TCN2: variants seen among roughly 807,000 people sequenced by gnomAD.
TCN2 encodes the protein transcobalamin 2, also known as transcobalamin-2.
A neutral mutation model predicts 48.6 loss-of-function variants in TCN2; 34 were observed. The observed-to-expected ratio is 0.70, with a 90% CI of 0.53 to 0.93. The LOEUF (loss-of-function observed/expected upper bound fraction) is 0.93. Ranked by LOEUF, TCN2 falls within the 40% of genes least tolerant of loss-of-function variation. The pLI, the probability that TCN2 is intolerant of heterozygous loss-of-function variation, is 0.00. For synonymous variants in TCN2, 283 were observed against 212.5 expected (o/e 1.33, Z -2.89); for missense variants, 652 against 526.1 (o/e 1.24, Z -2.34).
intron 8 of TCN2, among the ~76,000 whole-genome samples, chr22:30,623,660 TAACTTAAA>T (rs2087732460): frequency 6.6e-6 from 1 of 150,516 alleles, no homozygotes. Flanking sequence ...CCCACATGTA[TAACTTAAA>T]AATTTCATAT....
Position 30,615,625 on chromosome 22 carries a change from G to A in TCN2, c.778G>A (p.Gly260Arg), listed in dbSNP as rs768896953. 1.2e-6 allele frequency: 2 copies of A among 1,613,970 alleles called. No individual in the cohort carries two copies. The highest frequency in any genetic ancestry group is 1.7e-6 in the Non-Finnish European group (2 of 1,180,006). ...GTTCCTCATGACTTCCCCCATGCGT[G>A]GGGCAGAACTGGGAACAGCATGTCT... is the stretch of plus-strand genomic sequence containing the variant. ...LQFLMTSPMR[G>R]AELGTACLKA... is the part of the protein sequence containing the mutation. The change falls in exon 6 of 9, where the codon GGG becomes AGG. Residue 260 changes from glycine to arginine, a missense_variant. Gly to Arg is a moderately radical substitution (Grantham distance 125). Transcript: ENST00000215838.
At chr22:30,613,387 C>A (rs1027300529) in intron 3 of TCN2, among the ~76,000 whole-genome samples, 30 of 152,294 alleles carry the variant, frequency 2.0e-4, no homozygotes, top group African/African-American at 7.2e-4. Flanking sequence ...TCAAGCAATT[C>A]TCCTGCCTCA....
chr22:30,625,101 C>G (rs545104926), intron 8 of TCN2, among the ~76,000 whole-genome samples: 74 of 151,832 alleles, frequency 4.9e-4, no homozygotes, highest in Admixed American at 1.1e-3. Flanking sequence ...ACCTGTAATC[C>G]CAGCTACTCA....
In TCN2 at chr22:30,617,375, T is replaced by A. The variant is rs1357414952; in HGVS notation, c.986T>A (p.Ile329Asn). The change falls in exon 7 of 9, where the codon ATC (isoleucine) becomes AAC (asparagine). Residue 329 changes from isoleucine (I) to asparagine (N), a missense_variant. Physicochemically the swap from Ile to Asn is moderately radical, Grantham distance 149. Transcript: ENST00000215838. ...AAETIPQTQE[I>N]ISVTLQVLSL... Reference sequence around the variant, plus strand: ...GAGACCATTCCTCAGACCCAAGAGATCATCAGTGTCACGCTGCAGGTGCTT... The same window carrying A: ...GAGACCATTCCTCAGACCCAAGAGAACATCAGTGTCACGCTGCAGGTGCTT... The A allele has an allele frequency of 6.2e-7, 1 of 1,613,940 alleles. No homozygotes were observed. The highest frequency in any genetic ancestry group is 1.3e-5 in the African/African-American group (1 of 74,862).
Position 30,615,400 on chromosome 22 carries a change from G to T in TCN2, c.680G>T (p.Arg227Leu). 1 of 1,614,196 alleles carries T rather than the reference G, an allele frequency of 6.2e-7. No homozygotes were observed. Among genetic ancestry groups the T allele is most frequent in the Non-Finnish European group, 8.5e-7 (1 of 1,180,032 alleles). Residue 227 changes from arginine (R) to leucine (L), a missense_variant, in exon 5 of 9, where the codon CGA becomes CTA. Arg to Leu is a moderately radical substitution (Grantham distance 102). Coordinates refer to ENST00000215838, the MANE Select transcript of TCN2 (RefSeq NM_000355.4). ...QRITMAIRTV[R>L]EEILKAQTPE... ...ATCACCATGGCCATCAGAACAGTGC[G>T]AGAGGAGATCTTGAAGGCCCAGACC...
In TCN2 at chr22:30,624,043, T is replaced by TACAC. The variant is rs1198211935; in HGVS notation, c.1222+976_1222+979dup. ...ACACACATATATATGTATACATATATACACACACACACACACACATATATA... is the reference window on the plus strand; with the variant it reads ...ACACACATATATATGTATACATATATACACACACACACACACACACACATATATA... On this transcript the variant is annotated intron_variant, in intron 8 of 8. Transcript: ENST00000215838. Among the ~76,000 whole-genome samples the TACAC allele has an allele frequency of 3.1e-3, 89 of 28,614 alleles. 33 individuals are homozygous for TACAC. Among genetic ancestry groups the TACAC allele is most frequent in the Non-Finnish European group, 4.4e-3 (73 of 16,670 alleles). 18.8% of individuals were successfully genotyped at this position (28,614 alleles called of 152,430 possible).
chr22:30,618,261 T>TG (rs2087643739), intron 7 of TCN2, among the ~76,000 whole-genome samples: 1 of 111,604 alleles, frequency 9.0e-6, no homozygotes, highest in African/African-American at 4.2e-5. Context: ...GAATAATAAC[T>TG]GGTTTTTTTT....
In TCN2 at chr22:30,607,374, G is replaced by A. The variant is rs1366455356; in HGVS notation, c.43G>A (p.Gly15Arg). The A allele has an allele frequency of 5.0e-6, 8 of 1,613,990 alleles. No individual in the cohort carries two copies. Among genetic ancestry groups the A allele is most frequent in the East Asian group, 4.5e-5 (2 of 44,884 alleles). ...CTTCCTCTTCCTTCTGGGGGTCCTGGGGGCCCTCACTGAGATGTGTGGTGA... is the reference window on the plus strand; with the variant it reads ...CTTCCTCTTCCTTCTGGGGGTCCTGAGGGCCCTCACTGAGATGTGTGGTGA... Reference protein sequence around the residue: ...GAFLFLLGVLGALTEMCEIPE... With the variant: ...GAFLFLLGVLRALTEMCEIPE... Residue 15 changes from glycine (G) to arginine (R), a missense_variant, in exon 1 of 9, where the codon GGG becomes AGG. By Grantham distance (125) the Gly-to-Arg change is moderately radical (BLOSUM62 -2). Coordinates refer to ENST00000215838, the MANE Select transcript of TCN2 (RefSeq NM_000355.4).
Position 30,615,322 on chromosome 22 carries a change from TG to T in TCN2, c.604del (p.Ala202HisfsTer5), listed in dbSNP as rs1195480116. 1 of 1,614,076 alleles carries T rather than the reference TG, an allele frequency of 6.2e-7. No homozygotes were observed. The highest frequency in any genetic ancestry group is 1.3e-5 in the African/African-American group (1 of 74,928). ...HSVDTAAMAG[L>X]AFTCLKRSNF... is the part of the protein sequence containing the mutation. ...CAAGACACAGCAGCCATGGCAGGCTTGGCATTCACCTGTCTGAAGCGCTCAA... is the reference window on the plus strand; with the variant it reads ...CAAGACACAGCAGCCATGGCAGGCTTGCATTCACCTGTCTGAAGCGCTCAA... On this transcript the variant is annotated frameshift_variant, in exon 5 of 9. Coordinates refer to ENST00000215838, the MANE Select transcript of TCN2 (RefSeq NM_000355.4). LOFTEE classifies it high-confidence loss of function.
At chr22:30,614,321 G>A in intron 3 of TCN2, 28 bp from the exon 4 acceptor site, 1 of 1,612,786 alleles carries the variant, frequency 6.2e-7, no homozygotes, top group Non-Finnish European at 8.5e-7. Flanking sequence ...GGGCAGAGAG[G>A]CAACCCCTCT....
intron 8 of TCN2, among the ~76,000 whole-genome samples, chr22:30,623,823 TAC>T (rs766122077): frequency 0.088 from 4,377 of 49,464 alleles, 1,491 homozygotes; most frequent in East Asian, 0.26. Context: ...TACACACACA[TAC>T]ACACACATAT....
In TCN2 at chr22:30,610,907, T is replaced by C. The variant is rs1292825855; in HGVS notation, c.101T>C (p.Leu34Ser). The change falls in exon 2 of 9, where the codon TTG (leucine) becomes TCG (serine). Residue 34 changes from leucine (L) to serine (S), a missense_variant. By Grantham distance (145) the Leu-to-Ser change is moderately radical. Transcript: ENST00000215838. Reference sequence around the variant, plus strand: ...ATGGACAGCCATCTGGTAGAGAAGTTGGGCCAGCACCTCTTACCTTGGATG... The same window carrying C: ...ATGGACAGCCATCTGGTAGAGAAGTCGGGCCAGCACCTCTTACCTTGGATG... ...PEMDSHLVEKLGQHLLPWMDR... is the reference protein window; with the variant it reads ...PEMDSHLVEKSGQHLLPWMDR... The C allele has an allele frequency of 1.2e-6, 2 of 1,614,058 alleles. No individual in the cohort carries two copies. Among genetic ancestry groups the C allele is most frequent in the Non-Finnish European group, 1.7e-6 (2 of 1,180,032 alleles).
chr22:30,617,639 C>G, intron 7 of TCN2, 144 bp downstream of exon 7: 1 of 1,119,172 alleles, frequency 8.9e-7, no homozygotes, highest in Non-Finnish European at 1.3e-6. Context: ...CAGCTCCTTT[C>G]TTGCCCACGG....
At chr22:30,614,623 C>T (rs1217601594) in intron 4 of TCN2, 122 bp downstream of exon 4, 2 of 1,412,676 alleles carry the variant, frequency 1.4e-6, no homozygotes, top group East Asian at 2.5e-5. Flanking sequence ...CGAATCAAGT[C>T]CTTTAGGGAC....
intron 1 of TCN2, chr22:30,610,330 T>C (rs2087517950): frequency 2.1e-6 from 1 of 470,782 alleles, no homozygotes; most frequent in South Asian, 1.6e-5. Flanking sequence ...TTTGGAAATT[T>C]GATGTGTAAC....
At chr22:30,624,051 C>CATACATATGTATACATATATAT in intron 8 of TCN2, among the ~76,000 whole-genome samples, 3 of 18,866 alleles carry the variant, frequency 1.6e-4, no homozygotes, top group Non-Finnish European at 2.9e-4. Context: ...TATACACACA[C>CATACATATGTATACATATATAT]ACACACACAC....
chr22:30,623,945 C>CATATGTGTAT (rs1321160056), intron 8 of TCN2, among the ~76,000 whole-genome samples: 1 of 32,000 alleles, frequency 3.1e-5, no homozygotes, highest in Non-Finnish European at 6.5e-5. Flanking sequence ...TATACACACA[C>CATATGTGTAT]ACATATGTAT....
intron 4 of TCN2, among the ~76,000 whole-genome samples, chr22:30,614,728 G>C (rs2087588627): frequency 6.6e-6 from 1 of 152,148 alleles, no homozygotes; most frequent in African/African-American, 2.4e-5. Context: ...AGACAACGTG[G>C]TGAAACCCCA....
rs751545658 is a variant in TCN2, at chr22:30,623,877, C to CATATATATGTATACAT, written c.1222+801_1222+802insTGTATACATATATATA. On this transcript the variant is annotated intron_variant, in intron 8 of 8. Coordinates refer to ENST00000215838, the MANE Select transcript of TCN2 (RefSeq NM_000355.4). ...ACATACATACACACATATATACACA[C>CATATATATGTATACAT]ATATATACACACATATATATGTATA... Among the ~76,000 whole-genome samples the CATATATATGTATACAT allele has an allele frequency of 3.1e-4, 21 of 67,952 alleles. 1 individual carries two copies. Among genetic ancestry groups the CATATATATGTATACAT allele is most frequent in the South Asian group, 7.0e-4 (2 of 2,862 alleles). The allele number at this position is 67,952 out of a possible 152,430, so 44.6% of individuals were successfully genotyped here. A position where few individuals can be genotyped will look rare whatever the true frequency, so the allele number is the denominator to read the frequency against.
Sources: allele counts gnomAD v4.1 joint callset (sites outside exome capture counted in the v4.1 genomes callset), GRCh38; gene constraint gnomAD v4.1.1; transcripts MANE v1.5; gene names NCBI Gene and HGNC (gene_info 2026-07-23, HGNC 2026-07-21).